The following MOB3C variants were observed in gnomAD, a reference collection of about 807,000 sequenced individuals.
The protein encoded by MOB3C is MOB1, Mps One Binder kinase activator-like 2C.
MOB3C carries 17 observed loss-of-function variants against 19.8 expected under a neutral mutation model. The ratio of observed to expected loss-of-function variants is 0.86; its 90% CI spans 0.59 to 1.29. The LOEUF is 1.29. Ranked by LOEUF, MOB3C falls within the 50% of genes most tolerant of loss-of-function variation. The pLI is 0.00. For missense variants in MOB3C, 291 were observed against 301.9 expected, an observed-to-expected ratio of 0.96 and a Z score of 0.27; for synonymous variants, 101 against 119.2, an observed-to-expected ratio of 0.85 and a Z score of 0.99.
At position 46,612,987 on chromosome 1, in the gene MOB3C, A is replaced by C. The variant is rs767217807; in HGVS notation, c.335T>G (p.Leu112Arg). ...CAATGCCATATAGCGCGGCGCAGAG[A>C]GCTTGGCGGGCCGCCGGTACTGGCG... is the stretch of plus-strand genomic sequence containing the variant. ...DERQYRRPAK[L>R]SAPRYMALLM... Residue 112 changes from leucine (L) to arginine (R), a missense_variant, in exon 2 of 4, where the codon CTC becomes CGC. Transcript: ENST00000319928. 1.1e-5 allele frequency: 18 copies of C among 1,612,024 alleles called. No individual in the cohort carries two copies. Among genetic ancestry groups the C allele is most frequent in the Non-Finnish European group, 1.4e-5 (17 of 1,178,722 alleles).
At chr1:46,609,719 A>C in intron 3 of MOB3C, 35 bp from the exon 4 acceptor site, 2 of 1,613,274 alleles carry the variant, frequency 1.2e-6, no homozygotes, top group Non-Finnish European at 1.7e-6. Flanking sequence ...GGTCAATTAG[A>C]GCTCAGCCTA....
chr1:46,610,155 G>A lies in MOB3C; in HGVS notation c.468C>T (p.Thr156=), dbSNP rs143178052. ...CATGGACAAAGACTCGGAAGAGGCG[G>A]GTCAGGATCTTGGTGCAGACCTGCT... The part of the protein sequence containing the change: ...NFQQVCTKIL[T]RLFRVFVHVY... Residue 156 remains threonine, a synonymous_variant, in exon 3 of 4, where the codon ACC becomes ACT. Coordinates refer to ENST00000319928, the MANE Select transcript of MOB3C (RefSeq NM_201403.3). The A allele has an allele frequency of 6.2e-7, 1 of 1,614,198 alleles. No individual in the cohort carries two copies. The highest frequency in any genetic ancestry group is 8.5e-7 in the Non-Finnish European group (1 of 1,180,044).
At chr1:46,614,923 T>G in intron 1 of MOB3C, 1 of 1,403,714 alleles carries the variant, frequency 7.1e-7, no homozygotes, top group East Asian at 2.3e-5. Context: ...GCTTGGAGAG[T>G]AGAAACAGGC....
rs950174061 is a variant in MOB3C at position 46,611,237 on chromosome 1, C to T, written c.419-1033G>A. Among the ~76,000 whole-genome samples the T allele has an allele frequency of 2.0e-5, 3 of 152,224 alleles. No homozygotes were observed. The highest frequency in any genetic ancestry group is 7.2e-5 in the African/African-American group (3 of 41,462). On this transcript the variant is annotated intron_variant, in intron 2 of 3. Coordinates refer to ENST00000319928, the MANE Select transcript of MOB3C (RefSeq NM_201403.3). The surrounding 1 kb of genome is among the most constrained non-coding windows in gnomAD (Gnocchi z 4.1). ...CCTTAGAACAATTCGCCTGATGTGT[C>T]TGATTGTCACTTTAGATATGATAAA...
chr1:46,615,395 TGA>T (rs1477083804), intron 1 of MOB3C: 1 of 331,966 alleles, frequency 3.0e-6, no homozygotes, highest in African/African-American at 2.1e-5. Flanking sequence ...CCTCCTCTCC[TGA>T]ACTCAGATCT....
At chr1:46,609,919 G>A in intron 3 of MOB3C, 83 bp downstream of exon 3, 2 of 1,490,978 alleles carry the variant, frequency 1.3e-6, no homozygotes, top group South Asian at 1.1e-5. Flanking sequence ...TTGGGCGTTG[G>A]AGTTACTTAA....
In MOB3C at chr1:46,608,181, A is replaced by G. The variant is rs1675399471; in HGVS notation, c.*1474T>C. On this transcript the variant is annotated 3_prime_UTR_variant, in exon 4 of 4. Transcript: ENST00000319928. This position sits in a 1 kb window ranked among gnomAD's most constrained non-coding sequence, Gnocchi z 4.5. Reference sequence around the variant, plus strand: ...TTTCCATGTGTATCTCTATGTAGCAATTGATGGGCCCTGCGGTCAGGATCC... The same window carrying G: ...TTTCCATGTGTATCTCTATGTAGCAGTTGATGGGCCCTGCGGTCAGGATCC... The G allele has an allele frequency of 6.6e-6, 1 of 152,364 alleles. No individual in the cohort carries two copies. Among genetic ancestry groups the G allele is most frequent in the Middle Eastern group, 3.4e-3 (1 of 294 alleles). 9.4% of individuals were successfully genotyped at this position (152,364 alleles called of 1,614,324 possible).
At position 46,607,782 on chromosome 1, in the gene MOB3C, A is replaced by C. The variant is rs867968467; in HGVS notation, c.*1873T>G. ...AATAAAGTCTTCCCTCTGTTTCATA[A>C]AAATAAATTTTCCAACCCTCCCCCT... is the stretch of plus-strand genomic sequence containing the variant. On this transcript the variant is annotated 3_prime_UTR_variant, in exon 4 of 4. Transcript: ENST00000319928. 6.8e-6 allele frequency: 1 copy of C among 147,068 alleles called. No homozygotes were observed. The highest frequency in any genetic ancestry group is 2.4e-5 in the African/African-American group (1 of 40,882). The allele number at this position is 147,068 out of a possible 1,614,324, so 9.1% of individuals were successfully genotyped here. A position where few individuals can be genotyped will look rare whatever the true frequency, so the allele number is the denominator to read the frequency against.
intron 1 of MOB3C, chr1:46,613,679 AG>A (rs1161844020): frequency 5.2e-6 from 2 of 381,012 alleles, no homozygotes; most frequent in African/African-American, 2.0e-5. Flanking sequence ...GAGAGGTCGC[AG>A]AGGCTCCCTG....
rs1224241267 is a variant in MOB3C, at chr1:46,611,398, G to A, written c.419-1194C>T. On this transcript the variant is annotated intron_variant, in intron 2 of 3. Coordinates refer to ENST00000319928, the MANE Select transcript of MOB3C (RefSeq NM_201403.3). The surrounding 1 kb of genome is among the most constrained non-coding windows in gnomAD (Gnocchi z 4.1). Reference sequence around the variant, plus strand: ...CACAGATATTGGGACCCATGAAAAAGGCCCCGCTTCTGCATAGTCCCCCAT... The same window carrying A: ...CACAGATATTGGGACCCATGAAAAAAGCCCCGCTTCTGCATAGTCCCCCAT... Among the ~76,000 whole-genome samples, 1 of 152,148 alleles carries A rather than the reference G, an allele frequency of 6.6e-6. No individual in the cohort carries two copies. Among genetic ancestry groups the A allele is most frequent in the Non-Finnish European group, 1.5e-5 (1 of 68,018 alleles).
chr1:46,615,021 A>C, intron 1 of MOB3C: 1 of 1,613,254 alleles, frequency 6.2e-7, no homozygotes, highest in Non-Finnish European at 8.5e-7. Flanking sequence ...TCTCACCCAA[A>C]GAAGTCCCCA....
chr1:46,608,071 G>T lies in MOB3C; in HGVS notation c.*1584C>A, dbSNP rs1041925592. ...GGAAACAACCCCAGCCAACCCAAGG[G>T]GCAGTGGGACATGTTGGCCTCAGGT... On this transcript the variant is annotated 3_prime_UTR_variant, in exon 4 of 4. Transcript: ENST00000319928. The surrounding 1 kb of genome is among the most constrained non-coding windows in gnomAD (Gnocchi z 4.5). The T allele has an allele frequency of 6.6e-6, 1 of 152,322 alleles. No individual in the cohort carries two copies. The allele number at this position is 152,322 out of a possible 1,614,324, so 9.4% of individuals were successfully genotyped here.
chr1:46,615,025 G>A (rs939459844), intron 1 of MOB3C: 2 of 1,613,130 alleles, frequency 1.2e-6, no homozygotes, highest in Non-Finnish European at 1.7e-6. Flanking sequence ...ACCCAAAGAA[G>A]TCCCCAGGGT....
At chr1:46,613,827 C>T (rs761311039) in intron 1 of MOB3C, 1 of 168,580 alleles carries the variant, frequency 5.9e-6, no homozygotes, top group East Asian at 1.7e-4. Flanking sequence ...TTTCGGCTTC[C>T]TCTGGGATAT....
chr1:46,613,629 G>C, intron 1 of MOB3C: 3 of 519,624 alleles, frequency 5.8e-6, no homozygotes, highest in Non-Finnish European at 1.0e-5. Context: ...CTGGGCCTGG[G>C]CTCTAAACAG....
At position 46,608,267 on chromosome 1, in the gene MOB3C, T is replaced by C. The variant is rs929946013; in HGVS notation, c.*1388A>G. 3 of 152,342 alleles carry C rather than the reference T, an allele frequency of 2.0e-5. No individual in the cohort carries two copies. The highest frequency in any genetic ancestry group is 7.2e-5 in the African/African-American group (3 of 41,442). The allele number at this position is 152,342 out of a possible 1,614,324, so 9.4% of individuals were successfully genotyped here. A position where few individuals can be genotyped will look rare whatever the true frequency, so the allele number is the denominator to read the frequency against. On this transcript the variant is annotated 3_prime_UTR_variant, in exon 4 of 4. Coordinates refer to ENST00000319928, the MANE Select transcript of MOB3C (RefSeq NM_201403.3). This position sits in a 1 kb window ranked among gnomAD's most constrained non-coding sequence, Gnocchi z 4.5. ...GGCCCTGGACAGTTTCTCCCTCTTC[T>C]TCTCCTGGCTTCAGTTTCCCCGTAT...
At chr1:46,615,241 C>T in intron 1 of MOB3C, 1 of 596,248 alleles carries the variant, frequency 1.7e-6, no homozygotes, top group Non-Finnish European at 3.0e-6. Context: ...CTTTCCTGCC[C>T]CACTTCCCAC....
intron 1 of MOB3C, chr1:46,615,297 G>A (rs974497535): frequency 1.7e-5 from 9 of 528,812 alleles, no homozygotes; most frequent in Admixed American, 3.2e-5. Flanking sequence ...TCCTGAACAC[G>A]CCCCCACTCT....
chr1:46,616,538 C>G (rs1025840107), intron 1 of MOB3C, 173 bp downstream of exon 1: 2 of 151,694 alleles, frequency 1.3e-5, no homozygotes, highest in Non-Finnish European at 2.9e-5. Flanking sequence ...ACAATCCCCC[C>G]CGCAACTTTC....
Sources: allele counts gnomAD v4.1 joint callset (sites outside exome capture counted in the v4.1 genomes callset), GRCh38; gene constraint gnomAD v4.1.1; non-coding constraint Gnocchi (gnomAD v3.1); transcripts MANE v1.5; gene names NCBI Gene and HGNC (gene_info 2026-07-23, HGNC 2026-07-21).